Variants in ZW10 observed in about 807,000 individuals in gnomAD.
The protein encoded by ZW10 is zw10 kinetochore protein, also known as centromere/kinetochore protein zw10 homolog.
ZW10 carries 53 observed loss-of-function variants against 87.8 expected under a neutral mutation model. That is an observed-to-expected ratio of 0.60 (90% CI 0.48 to 0.76). ZW10 has a LOEUF of 0.76. Among genes scored for constraint, ZW10 ranks in the 30% least tolerant of loss-of-function variants. The pLI is 0.00. For synonymous variants in ZW10, 312 were observed against 329.2 expected, an observed-to-expected ratio of 0.95 and a Z score of 0.57; for missense variants, 837 against 923.0, an observed-to-expected ratio of 0.91 and a Z score of 1.21.
Position 113,758,624 on chromosome 11 carries a change from C to T in ZW10, c.663G>A (p.Met221Ile). The T allele has an allele frequency of 6.2e-7, 1 of 1,614,034 alleles. No individual in the cohort carries two copies. Among genetic ancestry groups the T allele is most frequent in the Non-Finnish European group, 8.5e-7 (1 of 1,179,984 alleles). ...EQSHKEEKTP[M>I]PPISSVLLAF... The stretch of plus-strand genomic sequence containing the variant: ...CCAAGAGGACAGAACTGATGGGTGG[C>T]ATAGGGGTCTTCTCCTCTTTGTGCG... Residue 221 changes from methionine to isoleucine, a missense_variant, in exon 6 of 16, where the codon ATG (methionine) becomes ATA (isoleucine). Met to Ile is a conservative substitution (Grantham distance 10). Coordinates refer to ENST00000200135, the MANE Select transcript of ZW10 (RefSeq NM_004724.4).
At chr11:113,750,714 T>C (rs1953725383) in intron 7 of ZW10, among the ~76,000 whole-genome samples, 1 of 152,336 alleles carries the variant, frequency 6.6e-6, no homozygotes, top group Non-Finnish European at 1.5e-5. Flanking sequence ...ATTAGTCACC[T>C]GAAATTAGAA....
intron 7 of ZW10, among the ~76,000 whole-genome samples, chr11:113,749,278 T>C (rs1421192882): frequency 6.6e-6 from 1 of 152,198 alleles, no homozygotes; most frequent in Non-Finnish European, 1.5e-5. Context: ...CTAGTCTGCA[T>C]TGTCCAATAT....
At chr11:113,747,839 A>G (rs1407216788) in intron 8 of ZW10, 126 bp from the exon 9 acceptor site, 3 of 642,004 alleles carry the variant, frequency 4.7e-6, no homozygotes, top group Non-Finnish European at 7.5e-6. Context: ...ACCATCAATT[A>G]CTAGGTATAA....
chr11:113,736,746 G>A lies in ZW10; in HGVS notation c.2093C>T (p.Ala698Val), dbSNP rs867167427. 1 of 1,614,184 alleles carries A rather than the reference G, an allele frequency of 6.2e-7. No individual in the cohort carries two copies. Among genetic ancestry groups the A allele is most frequent in the Admixed American group, 1.7e-5 (1 of 60,022 alleles). ...GTTCTTGCTTTCTTCAGATAAAGGT[G>A]CAAATACTTGGGGTCCTTCATCCAT... ...TVMDEGPQVF[A>V]PLSEESKNKK... Residue 698 changes from alanine (A) to valine (V), a missense_variant, in exon 15 of 16, where the codon GCA becomes GTA. Coordinates refer to ENST00000200135, the MANE Select transcript of ZW10 (RefSeq NM_004724.4).
At chr11:113,741,582 A>C (rs1953619560) in intron 11 of ZW10, 112 bp downstream of exon 11, 1 of 632,918 alleles carries the variant, frequency 1.6e-6, no homozygotes, top group East Asian at 3.1e-5. Context: ...TTTAGTGTGA[A>C]TGTTAGTAAA....
intron 2 of ZW10, among the ~76,000 whole-genome samples, chr11:113,761,818 C>T (rs1953863526): frequency 6.6e-6 from 1 of 152,012 alleles, no homozygotes; most frequent in African/African-American, 2.4e-5. Flanking sequence ...TCCCCCTTAC[C>T]AACCACCCTA....
chr11:113,739,132 T>G (rs4351850), intron 12 of ZW10, 81 bp downstream of exon 12: 5 of 1,491,302 alleles, frequency 3.4e-6, no homozygotes, highest in Non-Finnish European at 4.5e-6. Flanking sequence ...ATTTCTAATT[T>G]TCTCATTCAA....
intron 2 of ZW10, among the ~76,000 whole-genome samples, chr11:113,766,728 T>G (rs1057267541): frequency 2.9e-5 from 1 of 33,986 alleles, no homozygotes; most frequent in Non-Finnish European, 7.8e-5. Flanking sequence ...AAAAAAAAAA[T>G]CCATGAGGCT....
intron 10 of ZW10, 51 bp from the exon 11 acceptor site, chr11:113,741,816 C>A: frequency 1.4e-6 from 2 of 1,380,056 alleles, no homozygotes. Context: ...ACACTAAAAA[C>A]AAGAAAAAAA....
chr11:113,743,984 G>C lies in ZW10; in HGVS notation c.1329C>G (p.Asn443Lys). The stretch of plus-strand genomic sequence containing the variant: ...TGGATACTTTCTGTACTTCCAGTTT[G>C]TTATCCTCATCAGGAGTGGGTAACT... The part of the protein sequence containing the change: ...VPELPTPDED[N>K]KLEVQKVSNT... The change falls in exon 10 of 16, where the codon AAC becomes AAG. Residue 443 changes from asparagine (N) to lysine (K), a missense_variant. By Grantham distance (94) the Asn-to-Lys change is moderately conservative. Transcript: ENST00000200135. 1 of 1,614,150 alleles carries C rather than the reference G, an allele frequency of 6.2e-7. No individual in the cohort carries two copies. Among genetic ancestry groups the C allele is most frequent in the Non-Finnish European group, 8.5e-7 (1 of 1,180,002 alleles).
chr11:113,751,626 C>T (rs915762256), intron 7 of ZW10, among the ~76,000 whole-genome samples: 1 of 152,106 alleles, frequency 6.6e-6, no homozygotes, highest in Non-Finnish European at 1.5e-5. Context: ...CTGTAATCCC[C>T]GCACTTTGGG....
chr11:113,772,567 CTG>C (rs1418722377), intron 1 of ZW10, among the ~76,000 whole-genome samples: 1 of 152,092 alleles, frequency 6.6e-6, no homozygotes, highest in Admixed American at 6.5e-5. Flanking sequence ...CAAAGCAAAA[CTG>C]TGTGTGGCTA....
At chr11:113,747,759 C>A in intron 8 of ZW10, 46 bp from the exon 9 acceptor site, 6 of 1,415,692 alleles carry the variant, frequency 4.2e-6, no homozygotes, top group South Asian at 3.0e-5. Context: ...TACATATATT[C>A]CATTACAATA....
chr11:113,754,269 G>C (rs1953760794), intron 7 of ZW10, among the ~76,000 whole-genome samples: 1 of 152,172 alleles, frequency 6.6e-6, no homozygotes, highest in Admixed American at 6.5e-5. Context: ...TGGACTTCTT[G>C]AGGCCAGGAG....
At chr11:113,752,206 A>T (rs961260559) in intron 7 of ZW10, among the ~76,000 whole-genome samples, 2 of 152,246 alleles carry the variant, frequency 1.3e-5, no homozygotes, top group Non-Finnish European at 1.5e-5. Flanking sequence ...ATCAAAGATT[A>T]AAAAATGGCA....
chr11:113,767,698 G>A (rs576525521), intron 2 of ZW10, among the ~76,000 whole-genome samples: 1 of 152,056 alleles, frequency 6.6e-6, no homozygotes, highest in South Asian at 2.1e-4. Context: ...ACCTCTATGG[G>A]TTCCACAGGG....
chr11:113,762,074 A>G (rs1374868049), intron 2 of ZW10, among the ~76,000 whole-genome samples: 2 of 152,236 alleles, frequency 1.3e-5, no homozygotes, highest in Non-Finnish European at 2.9e-5. Flanking sequence ...GACGCATTCT[A>G]AGAAATGCAG....
At chr11:113,736,869 C>T (rs1465537245) in intron 14 of ZW10, 47 bp from the exon 15 acceptor site, 1 of 1,581,884 alleles carries the variant, frequency 6.3e-7, no homozygotes. Context: ...TGGGCCAGCT[C>T]AGAAGTGGGG....
chr11:113,746,129 C>T (rs948152346), intron 9 of ZW10, among the ~76,000 whole-genome samples: 1 of 152,156 alleles, frequency 6.6e-6, no homozygotes, highest in Non-Finnish European at 1.5e-5. Context: ...ATTAGCCGGT[C>T]CCAAATGTTA....
Sources: gnomAD v4.1 joint callset for allele counts (sites outside exome capture counted in the v4.1 genomes callset) on GRCh38, gnomAD v4.1.1 for gene constraint, MANE v1.5 for transcripts, NCBI Gene and HGNC (gene_info 2026-07-23, HGNC 2026-07-21) for gene names.